Variants in COL26A1 observed in about 807,000 individuals in gnomAD.
The protein encoded by COL26A1 is collagen type XXVI alpha 1 chain, also known as collagen alpha-1(XXVI) chain.
Under a neutral mutation model 59.3 loss-of-function variants are expected in COL26A1, and 41 were observed. The observed-to-expected ratio is 0.69, with a 90% CI of 0.54 to 0.90. The LOEUF (loss-of-function observed/expected upper bound fraction) is 0.90. COL26A1 is among the 40% of genes least tolerant of loss of function. COL26A1 has a pLI of 0.00. For missense variants in COL26A1, 612 were observed against 602.3 expected (o/e 1.02, Z -0.17); for synonymous variants, 266 against 256.0 (o/e 1.04, Z -0.37).
intron 3 of COL26A1, among the ~76,000 whole-genome samples, chr7:101,490,729 T>G (rs189637372): frequency 1.3e-5 from 2 of 151,124 alleles, no homozygotes; most frequent in Non-Finnish European, 2.9e-5. Context: ...CTATGGACCA[T>G]GGCTCATGCC....
intron 3 of COL26A1, among the ~76,000 whole-genome samples, chr7:101,526,371 C>T (rs748551840): frequency 4.3e-4 from 65 of 152,276 alleles, no homozygotes; most frequent in Middle Eastern, 3.4e-3. Flanking sequence ...TTTTAAGGAT[C>T]GCCTCCAGCT....
At chr7:101,488,361 T>G (rs1437023598) in intron 3 of COL26A1, among the ~76,000 whole-genome samples, 1 of 113,876 alleles carries the variant, frequency 8.8e-6, no homozygotes, top group African/African-American at 3.6e-5. Context: ...TATATATATA[T>G]ATATATATAT....
At chr7:101,445,410 A>T (rs1299541288) in intron 2 of COL26A1, among the ~76,000 whole-genome samples, 1 of 151,934 alleles carries the variant, frequency 6.6e-6, no homozygotes, top group African/African-American at 2.4e-5. Context: ...GGAAACTTTC[A>T]TTCACGGCTG....
intron 1 of COL26A1, among the ~76,000 whole-genome samples, chr7:101,377,847 G>A (rs1423075040): frequency 9.2e-5 from 14 of 152,176 alleles, no homozygotes; most frequent in Non-Finnish European, 1.9e-4. Context: ...TTAGTAGATA[G>A]GCTGACTGAT....
intron 3 of COL26A1, among the ~76,000 whole-genome samples, chr7:101,456,316 ATCC>A (rs1793471205): frequency 6.6e-6 from 1 of 151,554 alleles, no homozygotes; most frequent in African/African-American, 2.4e-5. Flanking sequence ...GGCTCAAGCA[ATCC>A]TCCTACCTCA....
At chr7:101,430,022 A>G (rs1355581104) in intron 2 of COL26A1, among the ~76,000 whole-genome samples, 1 of 152,164 alleles carries the variant, frequency 6.6e-6, no homozygotes, top group Non-Finnish European at 1.5e-5. Flanking sequence ...TAACCTGTAT[A>G]TCTATTTGGG....
At chr7:101,468,393 A>G (rs4729718) in intron 3 of COL26A1, among the ~76,000 whole-genome samples, 12,678 of 152,232 alleles carry the variant, frequency 0.083, 781 homozygotes, top group East Asian at 0.3. Flanking sequence ...CTATCTGCCT[A>G]AAGAATTTCT....
At chr7:101,471,567 G>GTTTTTTTTTTTTTTT (rs796287195) in intron 3 of COL26A1, among the ~76,000 whole-genome samples, 12 of 112,416 alleles carry the variant, frequency 1.1e-4, no homozygotes, top group African/African-American at 3.5e-4. Context: ...TGTTGTTGTT[G>GTTTTTTTTTTTTTTT]TTTGTTTTTT....
At chr7:101,505,261 C>A (rs1794783958) in intron 3 of COL26A1, among the ~76,000 whole-genome samples, 1 of 151,624 alleles carries the variant, frequency 6.6e-6, no homozygotes, top group Non-Finnish European at 1.5e-5. Context: ...GTGTGCATGA[C>A]TGTGAGTGTG....
intron 2 of COL26A1, among the ~76,000 whole-genome samples, chr7:101,437,137 A>T (rs575590009): frequency 6.6e-6 from 1 of 152,172 alleles, no homozygotes; most frequent in Non-Finnish European, 1.5e-5. Context: ...GTGGAGAAGG[A>T]TGTCAGACAA....
intron 3 of COL26A1, among the ~76,000 whole-genome samples, chr7:101,489,530 A>G (rs1223699090): frequency 1.3e-5 from 2 of 152,098 alleles, no homozygotes; most frequent in Admixed American, 1.3e-4. Context: ...TCCTGGGCTC[A>G]AGAGATCCTC....
chr7:101,401,436 A>G (rs902365737), intron 1 of COL26A1, among the ~76,000 whole-genome samples: 15 of 149,170 alleles, frequency 1.0e-4, no homozygotes, highest in African/African-American at 3.7e-4. Context: ...GGAGAAGGAG[A>G]AGGAAGAGAA....
Position 101,489,735 on chromosome 7 carries a change from TTCTC to T in COL26A1, c.385+41952_385+41955del, listed in dbSNP as rs552935088. Among the ~76,000 whole-genome samples, 34 of 102,654 alleles carry T rather than the reference TTCTC, an allele frequency of 3.3e-4. 6 individuals carry two copies. Among genetic ancestry groups the T allele is most frequent in the East Asian group, 6.9e-4 (3 of 4,376 alleles). The allele number at this position is 102,654 out of a possible 152,430, so 67.3% of individuals were successfully genotyped here. On this transcript the variant is annotated intron_variant, in intron 3 of 12. Coordinates refer to ENST00000313669, the MANE Select transcript of COL26A1 (RefSeq NM_001278563.3). ...TTTCATTCTTTCTTTCTCTCTCTCT[TTCTC>T]TCTTTCTTTCTTGTCTCTCTTTCTT...
In COL26A1 at chr7:101,539,906, A is replaced by C. The variant is rs1486605234; in HGVS notation, c.461A>C (p.Glu154Ala). ...TTLEAKVLLL[E>A]AAERPSSPDN... ...CCTTTGGCCCAGGTCCTCCTGCTAG[A>C]AGCAGCAGAACGGCCCTCCAGCCCG... Residue 154 changes from glutamate (E) to alanine (A), a missense_variant, in exon 5 of 13, where the codon GAA becomes GCA. Transcript: ENST00000313669. 6.2e-7 allele frequency: 1 copy of C among 1,611,790 alleles called. No homozygotes were observed. Among genetic ancestry groups the C allele is most frequent in the African/African-American group, 1.3e-5 (1 of 74,714 alleles).
intron 1 of COL26A1, among the ~76,000 whole-genome samples, chr7:101,363,610 G>A (rs1200508123): frequency 6.8e-6 from 1 of 147,922 alleles, no homozygotes; most frequent in African/African-American, 2.6e-5. Flanking sequence ...TTGGGGCCGC[G>A]GGGCTGCGGG....
intron 2 of COL26A1, among the ~76,000 whole-genome samples, chr7:101,441,062 A>G (rs1793047277): frequency 6.6e-6 from 1 of 152,112 alleles, no homozygotes; most frequent in South Asian, 2.1e-4. Context: ...CAGGGGCCCG[A>G]GATCAGTCCC....
chr7:101,378,049 G>T (rs945375987), intron 1 of COL26A1, among the ~76,000 whole-genome samples: 1 of 152,150 alleles, frequency 6.6e-6, no homozygotes. Flanking sequence ...TGGACTACAG[G>T]TGTGCACCAG....
chr7:101,367,775 C>T (rs115184298), intron 1 of COL26A1, among the ~76,000 whole-genome samples: 2,265 of 152,228 alleles, frequency 0.015, 41 homozygotes, highest in African/African-American at 0.051. Flanking sequence ...AGAAAGAGAA[C>T]CCTCACCAGG....
In COL26A1 at chr7:101,546,184, G is replaced by A. The variant is rs549214477; in HGVS notation, c.856+694G>A. Among the ~76,000 whole-genome samples the A allele has an allele frequency of 7.2e-5, 11 of 152,268 alleles. No individual in the cohort carries two copies. The South Asian group carries it at 1.2e-3, about 17-fold the overall frequency. Reference sequence around the variant, plus strand: ...AGTGGGAGGCCAGGCAGAGGAGTCCGTGAGCCCTGAGAGGAGCATCATTTC... The same window carrying A: ...AGTGGGAGGCCAGGCAGAGGAGTCCATGAGCCCTGAGAGGAGCATCATTTC... On this transcript the variant is annotated intron_variant, in intron 7 of 12. Transcript: ENST00000313669.
Sources: gnomAD v4.1 joint callset for allele counts (sites outside exome capture counted in the v4.1 genomes callset) on GRCh38, gnomAD v4.1.1 for gene constraint, MANE v1.5 for transcripts, NCBI Gene and HGNC (gene_info 2026-07-23, HGNC 2026-07-21) for gene names.